SCFD2: variants seen among roughly 807,000 people sequenced by gnomAD.
The protein encoded by SCFD2 is sec1 family domain-containing protein 2.
SCFD2 carries 54 observed loss-of-function variants against 58.9 expected under a neutral mutation model. That is an observed-to-expected ratio of 0.92 (90% CI 0.74 to 1.15). The LOEUF is 1.15. Among genes scored for constraint, SCFD2 ranks in the 50% most tolerant of loss-of-function variants. The pLI, the probability that SCFD2 is intolerant of heterozygous loss-of-function variation, is 0.00. For missense variants in SCFD2, 805 were observed against 836.6 expected (o/e 0.96, Z 0.47); for synonymous variants, 321 against 335.9 (o/e 0.96, Z 0.49).
At chr4:53,223,557 G>T (rs1178676011) in intron 4 of SCFD2, among the ~76,000 whole-genome samples, 1 of 152,160 alleles carries the variant, frequency 6.6e-6, no homozygotes, top group Non-Finnish European at 1.5e-5. Flanking sequence ...AGTTCCCATT[G>T]TCTTGCATGT....
At chr4:53,305,960 T>TCGG (rs1165026602) in intron 3 of SCFD2, among the ~76,000 whole-genome samples, 1 of 152,174 alleles carries the variant, frequency 6.6e-6, no homozygotes, top group African/African-American at 2.4e-5. Flanking sequence ...ATTTATTTAT[T>TCGG]AATTCCGTAA....
intron 4 of SCFD2, among the ~76,000 whole-genome samples, chr4:53,232,915 A>G (rs1439573913): frequency 6.6e-6 from 1 of 152,186 alleles, no homozygotes; most frequent in Non-Finnish European, 1.5e-5. Context: ...AGCAAGGCAT[A>G]GACTTTCCAG....
intron 7 of SCFD2, among the ~76,000 whole-genome samples, chr4:52,899,663 G>A (rs546777605): frequency 0.014 from 2,074 of 152,074 alleles, 54 homozygotes; most frequent in African/African-American, 0.047. Flanking sequence ...TCTTTGTGGC[G>A]TTCCCTGTAT....
intron 4 of SCFD2, among the ~76,000 whole-genome samples, chr4:53,236,431 A>C (rs1729611761): frequency 6.8e-6 from 1 of 148,082 alleles, no homozygotes; most frequent in African/African-American, 2.5e-5. Flanking sequence ...ATTAGGATAT[A>C]TATATCACAC....
intron 4 of SCFD2, among the ~76,000 whole-genome samples, chr4:53,224,524 G>C (rs946877146): frequency 1.3e-5 from 2 of 152,192 alleles, no homozygotes; most frequent in African/African-American, 4.8e-5. Context: ...AGGCACTGCA[G>C]CTGAGTCCAT....
chr4:52,998,775 TA>T (rs1252954614), intron 5 of SCFD2, among the ~76,000 whole-genome samples: 1 of 152,190 alleles, frequency 6.6e-6, no homozygotes, highest in Admixed American at 6.5e-5. Context: ...TTCAAAATAC[TA>T]AAGGAAATAC....
chr4:52,898,101 C>A (rs968662006), intron 7 of SCFD2, among the ~76,000 whole-genome samples: 2 of 152,110 alleles, frequency 1.3e-5, no homozygotes, highest in Non-Finnish European at 1.5e-5. Context: ...TTCAAAAAAC[C>A]AGCTCCTGGA....
intron 5 of SCFD2, among the ~76,000 whole-genome samples, chr4:53,024,037 C>T (rs529925983): frequency 1.3e-5 from 2 of 152,254 alleles, no homozygotes; most frequent in African/African-American, 2.4e-5. Context: ...ACACAAACTC[C>T]ACAGTCAGCA....
At chr4:52,944,965 T>C (rs1245591052) in intron 5 of SCFD2, among the ~76,000 whole-genome samples, 2 of 152,180 alleles carry the variant, frequency 1.3e-5, no homozygotes, top group Non-Finnish European at 2.9e-5. Context: ...AAATTAATAA[T>C]ATGGAGTAAT....
At chr4:53,300,031 C>T (rs551440783) in intron 3 of SCFD2, among the ~76,000 whole-genome samples, 4 of 152,270 alleles carry the variant, frequency 2.6e-5, no homozygotes, top group Admixed American at 2.6e-4. Flanking sequence ...AAGGAAGAAA[C>T]TGCATCAACT....
chr4:53,109,604 G>A (rs781046336), intron 5 of SCFD2, among the ~76,000 whole-genome samples: 1 of 152,156 alleles, frequency 6.6e-6, no homozygotes, highest in Non-Finnish European at 1.5e-5. Flanking sequence ...AATCATGAGT[G>A]AACTCCCATT....
chr4:52,938,775 C>T (rs1047579500), intron 5 of SCFD2, among the ~76,000 whole-genome samples: 1 of 152,106 alleles, frequency 6.6e-6, no homozygotes, highest in African/African-American at 2.4e-5. Flanking sequence ...ATTAAAGTAA[C>T]CTAAATGAAT....
At chr4:52,944,842 C>A (rs1403644276) in intron 5 of SCFD2, among the ~76,000 whole-genome samples, 1 of 152,156 alleles carries the variant, frequency 6.6e-6, no homozygotes, top group East Asian at 1.9e-4. Context: ...CTTCTGAAGT[C>A]CCCTCCCTGG....
intron 5 of SCFD2, among the ~76,000 whole-genome samples, chr4:53,080,604 TTC>T (rs2148857439): frequency 6.6e-6 from 1 of 152,150 alleles, no homozygotes; most frequent in African/African-American, 2.4e-5. Context: ...TGATAGGCCT[TTC>T]TCTCTCTGGC....
intron 4 of SCFD2, among the ~76,000 whole-genome samples, chr4:53,188,451 G>GTGTGTGTGTGTGTGTT (rs1480600825): frequency 2.5e-4 from 37 of 150,552 alleles, no homozygotes; most frequent in African/African-American, 8.3e-4. Context: ...GTGTGTGTGT[G>GTGTGTGTGTGTGTGTT]TGTGTGTGTG....
chr4:53,171,586 T>C (rs937728486), intron 4 of SCFD2, among the ~76,000 whole-genome samples: 1 of 152,242 alleles, frequency 6.6e-6, no homozygotes, highest in African/African-American at 2.4e-5. Flanking sequence ...GCATTAGTTC[T>C]TTTTTAAATG....
chr4:53,068,793 C>A (rs184722275), intron 5 of SCFD2, among the ~76,000 whole-genome samples: 9 of 152,120 alleles, frequency 5.9e-5, no homozygotes, highest in Admixed American at 1.3e-4. Flanking sequence ...CTATCTTCCC[C>A]AATTCATTCT....
chr4:52,878,975 C>T (rs1472193886), intron 8 of SCFD2, among the ~76,000 whole-genome samples: 2 of 152,188 alleles, frequency 1.3e-5, no homozygotes, highest in Non-Finnish European at 2.9e-5. Context: ...TCTTCTCCTC[C>T]GTCTCCTTCC....
intron 4 of SCFD2, among the ~76,000 whole-genome samples, chr4:53,213,171 TAAAG>T (rs960159582): frequency 1.3e-4 from 20 of 152,252 alleles, no homozygotes; most frequent in Admixed American, 5.9e-4. Context: ...GTTTAATGTC[TAAAG>T]AAAGTCCAGT....
Sources: gnomAD v4.1 joint callset for allele counts (sites outside exome capture counted in the v4.1 genomes callset) on GRCh38, gnomAD v4.1.1 for gene constraint, MANE v1.5 for transcripts, NCBI Gene and HGNC (gene_info 2026-07-23, HGNC 2026-07-21) for gene names.